LRTM3: variants seen among roughly 807,000 people sequenced by gnomAD.
LRTM3 encodes the protein leucine rich repeat transmembrane protein 3.
At chr13:102,749,862 A>C in the LRTM3 span, 3 of 1,551,372 alleles carry the variant, frequency 1.9e-6, no homozygotes, top group Admixed American at 3.9e-5. Context: ...TGATTCAAGG[A>C]CTCTTGAGAT....
chr13:102,745,637 G>T, the LRTM3 span: 1 of 1,550,988 alleles, frequency 6.4e-7, no homozygotes, highest in Non-Finnish European at 8.7e-7. Context: ...CGTCGTTTTA[G>T]GTGTAGATAA....
the LRTM3 span, chr13:102,737,274 C>T: frequency 6.4e-7 from 1 of 1,551,016 alleles, no homozygotes; most frequent in African/African-American, 1.4e-5. Context: ...GCTATTTTCC[C>T]TGCATCAAAT....
the LRTM3 span, chr13:102,742,515 T>C: frequency 6.5e-7 from 1 of 1,550,262 alleles, no homozygotes; most frequent in East Asian, 2.4e-5. Flanking sequence ...GGATGTATCT[T>C]AGAGAAAAAA....
the LRTM3 span, chr13:102,747,141 C>T: frequency 6.4e-7 from 1 of 1,550,798 alleles, no homozygotes; most frequent in Non-Finnish European, 8.7e-7. Flanking sequence ...TCATTTCCCT[C>T]ATTAATGAAA....
At chr13:102,731,537 C>T in the LRTM3 span, 3 of 1,551,134 alleles carry the variant, frequency 1.9e-6, no homozygotes, top group Admixed American at 3.9e-5. Context: ...TGTATCTGGA[C>T]CCTCTGGAAA....
chr13:102,735,130 CT>C, the LRTM3 span: 3 of 1,551,224 alleles, frequency 1.9e-6, no homozygotes, highest in South Asian at 1.2e-5. Context: ...CTTTCTGGAC[CT>C]TTTCCTCCTC....
chr13:102,735,601 C>A, the LRTM3 span: 9 of 1,550,892 alleles, frequency 5.8e-6, no homozygotes, highest in East Asian at 2.2e-4. Flanking sequence ...GCTTTGCTTT[C>A]AGGTCTGTAC....
the LRTM3 span, chr13:102,739,692 T>C: frequency 6.5e-7 from 1 of 1,550,266 alleles, no homozygotes; most frequent in African/African-American, 1.4e-5. Flanking sequence ...TTCATATCCA[T>C]TGCTTTTACT....
chr13:102,735,466 T>C, the LRTM3 span: 2 of 1,551,362 alleles, frequency 1.3e-6, no homozygotes, highest in South Asian at 2.4e-5. Context: ...GTGGAGTAAG[T>C]AAAGAAGTAT....
chr13:102,753,804 G>A, the LRTM3 span, among the ~76,000 whole-genome samples: 2 of 152,150 alleles, frequency 1.3e-5, no homozygotes, highest in Admixed American at 6.5e-5. Context: ...TGATCATGAT[G>A]TCTACTCTCC....
the LRTM3 span, among the ~76,000 whole-genome samples, chr13:102,756,694 AAC>A: frequency 0.16 from 12,751 of 80,474 alleles, 1,146 homozygotes; most frequent in Non-Finnish European, 0.22. Flanking sequence ...AAAAAAAAAA[AAC>A]AAAAAAACAA....
At chr13:102,735,237 C>T in the LRTM3 span, 2 of 1,551,286 alleles carry the variant, frequency 1.3e-6, no homozygotes, top group Non-Finnish European at 1.7e-6. Context: ...GGATCCAGTA[C>T]ACTGGTCATA....
the LRTM3 span, chr13:102,746,691 A>G: frequency 1.9e-6 from 3 of 1,551,166 alleles, no homozygotes; most frequent in East Asian, 2.4e-5. Flanking sequence ...CAATAATTGA[A>G]AGTCTCTGGC....
the LRTM3 span, among the ~76,000 whole-genome samples, chr13:102,755,947 ATATATATATATATATTTT>A: frequency 1.3e-5 from 1 of 79,072 alleles, no homozygotes; most frequent in African/African-American, 4.3e-5. Flanking sequence ...ATATACATAT[ATATATATATATATATTTT>A]TTTTTTTTCC....
the LRTM3 span, chr13:102,742,824 A>C: frequency 6.4e-7 from 1 of 1,550,534 alleles, no homozygotes; most frequent in Non-Finnish European, 8.7e-7. Flanking sequence ...AAATTACAGA[A>C]AGCATTTTCT....
the LRTM3 span, among the ~76,000 whole-genome samples, chr13:102,751,910 TGGG>T: frequency 6.6e-6 from 1 of 152,144 alleles, no homozygotes; most frequent in African/African-American, 2.4e-5. Context: ...CATGATGGGA[TGGG>T]AGGTCAGACA....
chr13:102,744,713 G>A, the LRTM3 span: 22 of 1,550,424 alleles, frequency 1.4e-5, no homozygotes, highest in Non-Finnish European at 1.7e-5. Flanking sequence ...AACTGATTCT[G>A]TTAACATTTT....
At chr13:102,745,461 G>T in the LRTM3 span, 1 of 1,550,944 alleles carries the variant, frequency 6.4e-7, no homozygotes, top group Non-Finnish European at 8.7e-7. Flanking sequence ...CCTTGATGCA[G>T]TTCTTTCATT....
chr13:102,742,764 C>G, the LRTM3 span: 2 of 1,550,610 alleles, frequency 1.3e-6, no homozygotes, highest in East Asian at 2.4e-5. Flanking sequence ...CTTTTCATTT[C>G]TTCTGAAGCA....
Sources: allele counts gnomAD v4.1 joint callset (sites outside exome capture counted in the v4.1 genomes callset), GRCh38; gene constraint gnomAD v4.1.1; transcripts MANE v1.5; gene names NCBI Gene and HGNC (gene_info 2026-07-23, HGNC 2026-07-21).